The following RARB variants were observed in gnomAD, a reference collection of about 807,000 sequenced individuals.
RARB encodes HBV-activated protein.
Under a neutral mutation model 51.9 loss-of-function variants are expected in RARB, and 17 were observed. The observed-to-expected ratio is 0.33, with a 90% CI of 0.22 to 0.49. The LOEUF (loss-of-function observed/expected upper bound fraction) is 0.49. RARB is among the 20% of genes least tolerant of loss of function. The probability of loss-of-function intolerance (pLI) is 0.99; values close to 1 mark genes in which losing one functional copy is unlikely to be tolerated. For synonymous variants in RARB, 215 were observed against 195.4 expected (o/e 1.10, Z -0.84); for missense variants, 369 against 550.8 (o/e 0.67, Z 3.30).
intron 5 of RARB, among the ~76,000 whole-genome samples, chr3:25,217,135 C>T (rs1312818232): frequency 1.3e-5 from 2 of 152,248 alleles, no homozygotes; most frequent in South Asian, 2.1e-4. Context: ...TTTTATTCTT[C>T]ATTACTTTAT....
intron 2 of RARB, among the ~76,000 whole-genome samples, chr3:25,049,046 CCA>C (rs1559447297): frequency 6.6e-6 from 1 of 152,112 alleles, no homozygotes; most frequent in Non-Finnish European, 1.5e-5. Flanking sequence ...GCCACCGCGC[CCA>C]GCTCCAAGAC....
intron 3 of RARB, among the ~76,000 whole-genome samples, chr3:25,119,609 A>G (rs539378324): frequency 1.4e-3 from 219 of 152,088 alleles, no homozygotes; most frequent in African/African-American, 4.9e-3. Context: ...AAATGGGTGT[A>G]ACTCAGCGCA....
intron 2 of RARB, among the ~76,000 whole-genome samples, chr3:24,928,277 T>A (rs1043345147): frequency 1.3e-5 from 2 of 151,980 alleles, no homozygotes; most frequent in African/African-American, 4.8e-5. Flanking sequence ...GGACTGGATT[T>A]CAAAGATCAC....
At chr3:25,010,861 A>G (rs1697380456) in intron 2 of RARB, among the ~76,000 whole-genome samples, 1 of 151,994 alleles carries the variant, frequency 6.6e-6, no homozygotes, top group Non-Finnish European at 1.5e-5. Context: ...TTTGATATTC[A>G]TGTAATTCTG....
chr3:25,170,382 G>A (rs1321904522), intron 4 of RARB, among the ~76,000 whole-genome samples: 1 of 152,100 alleles, frequency 6.6e-6, no homozygotes, highest in Non-Finnish European at 1.5e-5. Flanking sequence ...GAGTCCTCTG[G>A]AGGGCTTGTT....
At chr3:24,867,798 A>G (rs1559376734) in intron 2 of RARB, among the ~76,000 whole-genome samples, 2 of 152,172 alleles carry the variant, frequency 1.3e-5, no homozygotes, top group African/African-American at 2.4e-5. Flanking sequence ...TGAAAAATCA[A>G]CTTTGGAAAT....
At chr3:24,971,653 T>G (rs1176870087) in intron 2 of RARB, among the ~76,000 whole-genome samples, 1 of 152,064 alleles carries the variant, frequency 6.6e-6, no homozygotes, top group Non-Finnish European at 1.5e-5. Flanking sequence ...TAAAAAGGAC[T>G]GACAAAGGAG....
chr3:25,319,126 T>C (rs888113156), intron 5 of RARB, among the ~76,000 whole-genome samples: 1 of 152,192 alleles, frequency 6.6e-6, no homozygotes, highest in African/African-American at 2.4e-5. Flanking sequence ...AAAATTCTTA[T>C]ATGGCAAATG....
chr3:25,026,157 T>A (rs1697744156), intron 2 of RARB, among the ~76,000 whole-genome samples: 1 of 152,136 alleles, frequency 6.6e-6, no homozygotes, highest in East Asian at 1.9e-4. Flanking sequence ...TTGCATAAAG[T>A]TGTGGCATAT....
At chr3:24,855,940 T>C (rs968317163) in intron 1 of RARB, among the ~76,000 whole-genome samples, 3 of 151,838 alleles carry the variant, frequency 2.0e-5, no homozygotes, top group South Asian at 2.1e-4. Context: ...TTGGTAGAGA[T>C]GGGGTTTCAC....
chr3:24,969,219 A>G (rs4510351), intron 2 of RARB, among the ~76,000 whole-genome samples: 75,385 of 151,876 alleles, frequency 0.5, 19,189 homozygotes, highest in Admixed American at 0.6. Flanking sequence ...CTCAATCTAA[A>G]TTTTCTTACC....
chr3:25,069,890 C>T (rs1354237546), intron 3 of RARB, among the ~76,000 whole-genome samples: 1 of 152,196 alleles, frequency 6.6e-6, no homozygotes, highest in Non-Finnish European at 1.5e-5. Flanking sequence ...ATGAACCACA[C>T]AGTGAGGCTG....
At chr3:25,567,202 G>A (rs1054932047) in intron 3 of RARB, among the ~76,000 whole-genome samples, 1 of 152,196 alleles carries the variant, frequency 6.6e-6, no homozygotes, top group Non-Finnish European at 1.5e-5. Flanking sequence ...ATTCAGCGGT[G>A]CGTAGTGGAT....
chr3:25,288,353 T>C lies in RARB; in HGVS notation c.178+113778T>C, dbSNP rs553698319. On this transcript the variant is annotated intron_variant, in intron 5 of 11. Coordinates refer to the RARB transcript ENST00000383772. ...CAAAAGCAGACCATGAAGCAGTTAA[T>C]CGCTTCTTCTCTCCCTAGTCACGCT... is the stretch of plus-strand genomic sequence containing the variant. Among the ~76,000 whole-genome samples, 9 of 151,732 alleles carry C rather than the reference T, an allele frequency of 5.9e-5. No individual in the cohort carries two copies. In the South Asian group the frequency reaches 1.9e-3, roughly 32 times the overall value.
At chr3:24,998,699 T>C (rs1376539427) in intron 2 of RARB, among the ~76,000 whole-genome samples, 2 of 152,162 alleles carry the variant, frequency 1.3e-5, no homozygotes. Context: ...ATATGTCTTC[T>C]AGGGATTTTC....
chr3:25,245,441 C>G (rs1227698726), intron 5 of RARB, among the ~76,000 whole-genome samples: 1 of 152,032 alleles, frequency 6.6e-6, no homozygotes, highest in South Asian at 2.1e-4. Flanking sequence ...GTGGCTGGTA[C>G]CGGTTTTTCC....
intron 5 of RARB, among the ~76,000 whole-genome samples, chr3:25,246,668 T>C (rs903892151): frequency 1.3e-5 from 2 of 152,138 alleles, no homozygotes; most frequent in South Asian, 4.1e-4. Flanking sequence ...AGAGCAAATA[T>C]TGCTGTGTGC....
At chr3:25,030,689 A>G (rs1430924690) in intron 2 of RARB, among the ~76,000 whole-genome samples, 1 of 152,180 alleles carries the variant, frequency 6.6e-6, no homozygotes, top group African/African-American at 2.4e-5. Context: ...GAAATCTTGC[A>G]TCTTCCTGGA....
intron 5 of RARB, among the ~76,000 whole-genome samples, chr3:25,406,058 C>A (rs1042824487): frequency 6.6e-6 from 1 of 152,176 alleles, no homozygotes; most frequent in African/African-American, 2.4e-5. Flanking sequence ...TAAGAACTGG[C>A]CATCTTTTTT....
Sources: allele counts gnomAD v4.1 joint callset (sites outside exome capture counted in the v4.1 genomes callset), GRCh38; gene constraint gnomAD v4.1.1; transcripts MANE v1.5; gene names NCBI Gene and HGNC (gene_info 2026-07-23, HGNC 2026-07-21).